PREP: variants seen among roughly 807,000 people sequenced by gnomAD.
PREP encodes prolyl endopeptidase.
In PREP, 29 loss-of-function variants were observed where a neutral mutation model predicts 87.6. That is an observed-to-expected ratio of 0.33 (90% CI 0.25 to 0.45). The LOEUF is 0.45. Ranked by LOEUF, PREP falls within the 20% of genes least tolerant of loss-of-function variation. PREP has a pLI of 1.00. For missense variants in PREP, 695 were observed against 886.5 expected, an observed-to-expected ratio of 0.78 and a Z score of 2.74; for synonymous variants, 337 against 328.6, an observed-to-expected ratio of 1.03 and a Z score of -0.28.
In PREP at chr6:105,275,373, GA is replaced by G. The variant is rs1392220770; in HGVS notation, c.*2770del. Among the ~76,000 whole-genome samples, 1 of 152,168 alleles carries G rather than the reference GA, an allele frequency of 6.6e-6. No individual in the cohort carries two copies. The highest frequency in any genetic ancestry group is 1.5e-5 in the Non-Finnish European group (1 of 68,030). ...AGTATTTAAGAAACATGATTAATTGGAAAGTTTTATAATATTCCAGGTAAGT... is the reference window on the plus strand; with the variant it reads ...AGTATTTAAGAAACATGATTAATTGGAAGTTTTATAATATTCCAGGTAAGT... On this transcript the variant is annotated 3_prime_UTR_variant, in exon 15 of 15. Coordinates refer to ENST00000652536, the MANE Select transcript of PREP (RefSeq NM_002726.5).
intron 10 of PREP, among the ~76,000 whole-genome samples, chr6:105,294,881 G>A (rs1317082940): frequency 6.6e-6 from 1 of 152,140 alleles, no homozygotes; most frequent in Non-Finnish European, 1.5e-5. Context: ...CTCTCAGGCT[G>A]TCAGCATCGC....
intron 10 of PREP, among the ~76,000 whole-genome samples, chr6:105,311,799 T>C (rs1257719284): frequency 6.6e-6 from 1 of 152,188 alleles, no homozygotes; most frequent in African/African-American, 2.4e-5. Flanking sequence ...TGACAGAGAA[T>C]TTCTGATGAA....
chr6:105,397,262 G>C (rs1773311260), intron 2 of PREP, among the ~76,000 whole-genome samples: 1 of 151,866 alleles, frequency 6.6e-6, no homozygotes, highest in Admixed American at 6.6e-5. Flanking sequence ...GTGGGACATA[G>C]GACTTAGGGC....
intron 12 of PREP, 127 bp from the exon 13 acceptor site, chr6:105,282,709 G>A (rs1770110051): frequency 1.9e-6 from 2 of 1,061,350 alleles, no homozygotes; most frequent in African/African-American, 3.2e-5. Context: ...GGTTAACACT[G>A]CATTTAAAAA....
At chr6:105,352,281 G>C (rs1307865214) in intron 7 of PREP, among the ~76,000 whole-genome samples, 2 of 152,170 alleles carry the variant, frequency 1.3e-5, no homozygotes, top group Non-Finnish European at 2.9e-5. Context: ...AAAAGTTTTT[G>C]TGCTTGATGA....
At chr6:105,321,695 C>T (rs57163495) in intron 10 of PREP, among the ~76,000 whole-genome samples, 3,141 of 152,240 alleles carry the variant, frequency 0.021, 96 homozygotes, top group African/African-American at 0.073. Flanking sequence ...CTGGAAGAAG[C>T]GGCCTCCCTG....
chr6:105,291,536 G>C (rs1031340544), intron 10 of PREP, among the ~76,000 whole-genome samples: 1 of 152,130 alleles, frequency 6.6e-6, no homozygotes, highest in African/African-American at 2.4e-5. Flanking sequence ...AGAACAACAT[G>C]AAAAGGAGAG....
At chr6:105,398,047 G>C in intron 1 of PREP, 120 bp from the exon 2 acceptor site, 1 of 764,406 alleles carries the variant, frequency 1.3e-6, no homozygotes, top group Non-Finnish European at 2.2e-6. Flanking sequence ...TGGCTCACTG[G>C]CAACGTGTCT....
intron 10 of PREP, among the ~76,000 whole-genome samples, chr6:105,318,639 C>T (rs1403590066): frequency 1.3e-5 from 2 of 152,148 alleles, no homozygotes; most frequent in Non-Finnish European, 2.9e-5. Flanking sequence ...AGCGTAATAT[C>T]AGAAATAACA....
At chr6:105,401,685 G>A (rs1314586691) in intron 1 of PREP, among the ~76,000 whole-genome samples, 3 of 152,162 alleles carry the variant, frequency 2.0e-5, no homozygotes, top group Non-Finnish European at 2.9e-5. Flanking sequence ...AAGCAGCTGA[G>A]CAGACTGAGA....
At position 105,403,066 on chromosome 6, in the gene PREP, G is replaced by C. The variant is rs966237258; in HGVS notation, c.-175C>G. 8 of 276,604 alleles carry C rather than the reference G, an allele frequency of 2.9e-5. No homozygotes were observed. The highest frequency in any genetic ancestry group is 5.4e-5 in the Admixed American group (1 of 18,644). The allele number at this position is 276,604 out of a possible 1,614,324, so 17.1% of individuals were successfully genotyped here. On this transcript the variant is annotated 5_prime_UTR_variant, in exon 1 of 15. Transcript: ENST00000652536. ...ACAAACGGACTGGCGGCGCGGCGGCGAGGACGTGCAGAAAGCAGGAAGCCG... is the reference window on the plus strand; with the variant it reads ...ACAAACGGACTGGCGGCGCGGCGGCCAGGACGTGCAGAAAGCAGGAAGCCG...
chr6:105,347,124 A>G (rs1343349226), intron 7 of PREP, among the ~76,000 whole-genome samples: 1 of 152,240 alleles, frequency 6.6e-6, no homozygotes, highest in Non-Finnish European at 1.5e-5. Context: ...GGAATAAAGT[A>G]CCTGACTTTC....
At chr6:105,344,826 A>T (rs1411596788) in intron 7 of PREP, among the ~76,000 whole-genome samples, 1 of 152,322 alleles carries the variant, frequency 6.6e-6, no homozygotes, top group South Asian at 2.1e-4. Context: ...CTGAAAGTAT[A>T]ATTTAATAAA....
chr6:105,282,647 G>GA, intron 12 of PREP, 65 bp from the exon 13 acceptor site: 1 of 1,544,784 alleles, frequency 6.5e-7, no homozygotes, highest in East Asian at 2.3e-5. Context: ...AATCTAATGG[G>GA]AATTCAAATG....
rs140889641 is a variant in PREP at position 105,355,083 on chromosome 6, C to T, written c.718-2006G>A. On this transcript the variant is annotated intron_variant, in intron 6 of 14. Transcript: ENST00000652536. ...AGTAAGGGAGACAGGATATGGTGGT[C>T]GGGTTGTAGTTTTTTTTTTTTTTTT... Among the ~76,000 whole-genome samples the T allele has an allele frequency of 6.6e-4, 96 of 144,678 alleles. 1 individual carries two copies. In the East Asian group the frequency reaches 0.017, roughly 26 times the overall value. The allele number at this position is 144,678 out of a possible 152,430, so 94.9% of individuals were successfully genotyped here.
At chr6:105,349,347 C>G (rs1197720802) in intron 7 of PREP, among the ~76,000 whole-genome samples, 1 of 152,220 alleles carries the variant, frequency 6.6e-6, no homozygotes, top group Non-Finnish European at 1.5e-5. Context: ...ACTTATTTGA[C>G]AAAATGAATC....
chr6:105,311,412 CCTTTG>C (rs1770759000), intron 10 of PREP, among the ~76,000 whole-genome samples: 1 of 152,164 alleles, frequency 6.6e-6, no homozygotes, highest in Admixed American at 6.5e-5. Context: ...GTTCTCAGGG[CCTTTG>C]CTTTAACGTT....
Position 105,384,514 on chromosome 6 carries a change from T to C in PREP, c.121-6995A>G, listed in dbSNP as rs146119522. 2.0e-4 allele frequency among the ~76,000 whole-genome samples: 30 copies of C among 152,312 alleles called. No homozygotes were observed. The East Asian group carries it at 5.6e-3, about 28-fold the overall frequency. On this transcript the variant is annotated intron_variant, in intron 2 of 14. Transcript: ENST00000652536. ...CGCTCGCTTGTACCTCCATCTGTCA[T>C]AGATAATGTGACAGACACCTCTGTC...
chr6:105,313,984 A>G (rs1430386579), intron 10 of PREP, among the ~76,000 whole-genome samples: 1 of 152,244 alleles, frequency 6.6e-6, no homozygotes, highest in Non-Finnish European at 1.5e-5. Context: ...GGCACACCTC[A>G]TAGATACTGT....
Sources: gnomAD v4.1 joint callset for allele counts (sites outside exome capture counted in the v4.1 genomes callset) on GRCh38, gnomAD v4.1.1 for gene constraint, MANE v1.5 for transcripts, NCBI Gene and HGNC (gene_info 2026-07-23, HGNC 2026-07-21) for gene names.